ERICH1: variants seen among roughly 807,000 people sequenced by gnomAD.
ERICH1 encodes the protein glutamate rich 1, also known as glutamate-rich protein 1.
Under a neutral mutation model 39.6 loss-of-function variants are expected in ERICH1, and 56 were observed. That is an observed-to-expected ratio of 1.41 (90% CI 1.14 to 1.77). The LOEUF (loss-of-function observed/expected upper bound fraction) is 1.77. Among genes scored for constraint, ERICH1 ranks in the 40% most tolerant of loss-of-function variants. ERICH1 has a pLI of 0.00. For missense variants in ERICH1, 826 were observed against 575.4 expected, an observed-to-expected ratio of 1.44 and a Z score of -4.45; for synonymous variants, 313 against 223.6, an observed-to-expected ratio of 1.40 and a Z score of -3.57.
Position 645,509 on chromosome 8 carries a change from C to G in ERICH1, c.976+23089G>C, listed in dbSNP as rs531139206. 7.8e-5 allele frequency among the ~76,000 whole-genome samples: 2 copies of G among 25,640 alleles called. 1 individual carries two copies. The allele number at this position is 25,640 out of a possible 152,430, so 16.8% of individuals were successfully genotyped here. ...GTCGTGTTTTCCTTACTGTCCCCCC[C>G]AAACCTCATCTTTCTTCTGAAGGAA... On this transcript the variant is annotated intron_variant, in intron 3 of 3. Transcript: ENST00000522706.
At chr8:656,256 C>T (rs540202150) in intron 3 of ERICH1, among the ~76,000 whole-genome samples, 1 of 152,316 alleles carries the variant, frequency 6.6e-6, no homozygotes, top group East Asian at 1.9e-4. Flanking sequence ...TCAGTGCCAG[C>T]AGCTGGATCC....
intron 3 of ERICH1, chr8:656,857 C>G (rs1800727007): frequency 1.0e-6 from 1 of 985,196 alleles, no homozygotes; most frequent in Non-Finnish European, 1.2e-6. Context: ...CATGCTCCAG[C>G]CTAGAAAACA....
At chr8:717,344 G>A (rs868468998) in intron 1 of ERICH1, among the ~76,000 whole-genome samples, 16 of 152,158 alleles carry the variant, frequency 1.1e-4, no homozygotes, top group Admixed American at 5.2e-4. Flanking sequence ...TGTGGTGAGC[G>A]GGTCCCACCC....
intron 3 of ERICH1, among the ~76,000 whole-genome samples, chr8:630,018 C>A (rs1797884705): frequency 8.0e-6 from 1 of 125,664 alleles, no homozygotes; most frequent in Non-Finnish European, 1.7e-5. Context: ...ACAGACAAAG[C>A]TGACTCACAC....
chr8:658,851 G>A (rs1016910839), intron 3 of ERICH1, among the ~76,000 whole-genome samples: 1 of 152,228 alleles, frequency 6.6e-6, no homozygotes, highest in Non-Finnish European at 1.5e-5. Flanking sequence ...TGGGGCCCGA[G>A]CTGGCTCCTC....
At chr8:670,480 G>A (rs559788527) in intron 4 of ERICH1, among the ~76,000 whole-genome samples, 3 of 152,306 alleles carry the variant, frequency 2.0e-5, no homozygotes, top group Admixed American at 2.0e-4. Flanking sequence ...GGCAGACCGA[G>A]TAGAGGGGGA....
intron 3 of ERICH1, among the ~76,000 whole-genome samples, chr8:620,631 A>G (rs1355863943): frequency 6.6e-6 from 1 of 152,252 alleles, no homozygotes; most frequent in Non-Finnish European, 1.5e-5. Flanking sequence ...GCAAACAGCA[A>G]CCATGACAGA....
chr8:621,848 T>C (rs1797301873), intron 3 of ERICH1, among the ~76,000 whole-genome samples: 1 of 152,156 alleles, frequency 6.6e-6, no homozygotes, highest in African/African-American at 2.4e-5. Context: ...ATACAATTCC[T>C]AGAAAAACAT....
chr8:687,925 C>G (rs989991401), intron 3 of ERICH1, among the ~76,000 whole-genome samples: 5 of 152,114 alleles, frequency 3.3e-5, no homozygotes, highest in Admixed American at 1.3e-4. Context: ...CCAGGTTTCC[C>G]GAGCAGGGTC....
At chr8:677,886 C>T (rs1460400464) in intron 3 of ERICH1, among the ~76,000 whole-genome samples, 5 of 152,176 alleles carry the variant, frequency 3.3e-5, no homozygotes, top group Admixed American at 1.3e-4. Flanking sequence ...AGGCTCCTCC[C>T]GGCACGTCCT....
chr8:627,002 C>T (rs1006424417), intron 3 of ERICH1: 1 of 416,106 alleles, frequency 2.4e-6, no homozygotes, highest in East Asian at 7.2e-5. Context: ...CTGGTACTCA[C>T]CAAGCTCTCG....
intron 2 of ERICH1, among the ~76,000 whole-genome samples, chr8:715,257 C>T (rs1201328728): frequency 2.6e-5 from 4 of 152,002 alleles, no homozygotes; most frequent in Admixed American, 6.5e-5. Flanking sequence ...GGTCTATTCC[C>T]GTGTCTCTCA....
rs1422415485 is a variant in ERICH1, at chr8:676,402, GAC to G, written c.305-2357_305-2356del. Among the ~76,000 whole-genome samples the G allele has an allele frequency of 7.2e-3, 218 of 30,196 alleles. 14 individuals are homozygous for G. Among genetic ancestry groups the G allele is most frequent in the African/African-American group, 0.016 (89 of 5,428 alleles). The allele number at this position is 30,196 out of a possible 152,430, so 19.8% of individuals were successfully genotyped here. ...CGCGGCGGCCCCTCGTGAGGACAGA[GAC>G]GCGGCGCCCCCTCGGCGAGGACAGA... On this transcript the variant is annotated intron_variant, in intron 3 of 5. Coordinates refer to ENST00000262109, the MANE Select transcript of ERICH1 (RefSeq NM_207332.3).
At chr8:692,355 G>GT (rs1283991475) in intron 3 of ERICH1, 123 bp downstream of exon 3, 5 of 1,397,562 alleles carry the variant, frequency 3.6e-6, no homozygotes, top group Non-Finnish European at 4.9e-6. Context: ...ATTATACAGT[G>GT]TAACAACATG....
At chr8:666,705 T>A (rs1802300120) in intron 5 of ERICH1, 1 of 152,534 alleles carries the variant, frequency 6.6e-6, no homozygotes, top group South Asian at 2.1e-4. Flanking sequence ...GAGGTCTGAC[T>A]GGCACCTGCA....
At chr8:692,001 C>T (rs184329597) in intron 3 of ERICH1, among the ~76,000 whole-genome samples, 45 of 152,128 alleles carry the variant, frequency 3.0e-4, no homozygotes, top group African/African-American at 9.2e-4. Context: ...TTCATTCGTA[C>T]GACATGCAAC....
Position 673,338 on chromosome 8 carries a change from G to A in ERICH1, c.1014C>T (p.His338=). The A allele has an allele frequency of 1.9e-6, 3 of 1,613,880 alleles. No individual in the cohort carries two copies. The highest frequency in any genetic ancestry group is 2.5e-6 in the Non-Finnish European group (3 of 1,179,812). The part of the protein sequence containing the change: ...EDDTITNEKA[H]SILNFLKSTQ... ...TTGACTTCAAAAAATTTAGAATACT[G>A]TGTGCCTTTTCATTGGTAATTGTAT... Residue 338 remains histidine (H), a synonymous_variant, in exon 4 of 6, where the codon CAC becomes CAT. Coordinates refer to ENST00000262109, the MANE Select transcript of ERICH1 (RefSeq NM_207332.3).
chr8:727,104 AC>A (rs1298422846), intron 1 of ERICH1, among the ~76,000 whole-genome samples: 1 of 152,114 alleles, frequency 6.6e-6, no homozygotes, highest in African/African-American at 2.4e-5. Context: ...AAAGGCACAC[AC>A]ATGCATGCAC....
intron 3 of ERICH1, among the ~76,000 whole-genome samples, chr8:691,474 C>A (rs1267520474): frequency 6.6e-6 from 1 of 152,232 alleles, no homozygotes; most frequent in East Asian, 1.9e-4. Flanking sequence ...GGCGAGAGCG[C>A]CAACCGCGGA....
Sources: gnomAD v4.1 joint callset for allele counts (sites outside exome capture counted in the v4.1 genomes callset) on GRCh38, gnomAD v4.1.1 for gene constraint, MANE v1.5 for transcripts, NCBI Gene and HGNC (gene_info 2026-07-23, HGNC 2026-07-21) for gene names.